EPB41: variants seen among roughly 807,000 people sequenced by gnomAD.
EPB41 encodes the protein erythrocyte membrane protein band 4.1.
EPB41 carries 65 observed loss-of-function variants against 108.0 expected under a neutral mutation model. The observed-to-expected ratio is 0.60, with a 90% confidence interval of 0.49 to 0.74. The LOEUF (loss-of-function observed/expected upper bound fraction) is 0.74, where lower values mean the gene tolerates loss of function less well. EPB41 is among the 30% of genes least tolerant of loss of function. The pLI, the probability that EPB41 is intolerant of heterozygous loss-of-function variation, is 0.00. For missense variants in EPB41, 875 were observed against 1,037.0 expected, an observed-to-expected ratio of 0.84 and a Z score of 2.15; for synonymous variants, 336 against 358.9, an observed-to-expected ratio of 0.94 and a Z score of 0.72.
At chr1:28,962,419 A>G (rs186536802) in intron 1 of EPB41, among the ~76,000 whole-genome samples, 2 of 152,272 alleles carry the variant, frequency 1.3e-5, no homozygotes. Context: ...ATCAACCTAT[A>G]TAATTCATAT....
chr1:28,976,527 T>A (rs1030300117), intron 1 of EPB41, among the ~76,000 whole-genome samples: 4 of 151,882 alleles, frequency 2.6e-5, no homozygotes, highest in Non-Finnish European at 5.9e-5. Context: ...GCTAATTTTT[T>A]ATTTTTTGCA....
intron 1 of EPB41, among the ~76,000 whole-genome samples, chr1:28,975,225 C>A (rs2095576619): frequency 6.6e-6 from 1 of 152,162 alleles, no homozygotes; most frequent in Non-Finnish European, 1.5e-5. Flanking sequence ...AGTTACCGTG[C>A]CCGGCCTTAT....
intron 17 of EPB41, among the ~76,000 whole-genome samples, chr1:29,099,406 G>T (rs1664473086): frequency 6.6e-6 from 1 of 151,988 alleles, no homozygotes; most frequent in African/African-American, 2.4e-5. Context: ...GCTCGCTGCA[G>T]CCTAGACCTC....
chr1:29,092,041 T>C (rs887027247), intron 16 of EPB41, among the ~76,000 whole-genome samples: 4 of 152,012 alleles, frequency 2.6e-5, no homozygotes, highest in Non-Finnish European at 5.9e-5. Context: ...TACTACAGTG[T>C]GTAAGCTGGT....
At position 28,887,977 on chromosome 1, in the gene EPB41, G is replaced by A. The variant is rs900140165; in HGVS notation, c.-8+767G>A. Among the ~76,000 whole-genome samples the A allele has an allele frequency of 6.6e-6, 1 of 152,076 alleles. No individual in the cohort carries two copies. Among genetic ancestry groups the A allele is most frequent in the Admixed American group, 6.5e-5 (1 of 15,276 alleles). On this transcript the variant is annotated intron_variant, in intron 1 of 16. Coordinates refer to the EPB41 transcript ENST00000347529. The surrounding 1 kb of genome is among the most constrained non-coding windows in gnomAD (Gnocchi z 4.9). ...TCTGTCTTTCCTCAAGAATTGTCTC[G>A]CCCTCACCTACACTTCCCGGCAGGC...
chr1:29,037,081 A>G (rs538724605), intron 10 of EPB41, among the ~76,000 whole-genome samples: 4 of 152,066 alleles, frequency 2.6e-5, no homozygotes, highest in Non-Finnish European at 5.9e-5. Context: ...AGAAGACAGA[A>G]GAAAGTATTT....
intron 7 of EPB41, among the ~76,000 whole-genome samples, chr1:29,025,770 A>C (rs2096710645): frequency 6.6e-6 from 1 of 151,862 alleles, no homozygotes. Context: ...GGGGCAGAGC[A>C]AGGTAGTCAT....
At chr1:29,015,045 A>G (rs2096560131) in intron 5 of EPB41, among the ~76,000 whole-genome samples, 1 of 152,072 alleles carries the variant, frequency 6.6e-6, no homozygotes, top group South Asian at 2.1e-4. Context: ...TTCTCAGAGT[A>G]TCTCTGTCAT....
intron 1 of EPB41, among the ~76,000 whole-genome samples, chr1:28,920,211 C>T (rs1355344239): frequency 1.3e-5 from 2 of 152,064 alleles, no homozygotes; most frequent in African/African-American, 4.8e-5. Flanking sequence ...TTTTCTATTA[C>T]CTAATTCTAT....
rs564486800 is a variant in EPB41 at position 29,062,112 on chromosome 1, CAG to C, written c.2007+1630_2007+1631del. ...ATGAAGTTTTTCGAGGCTGGACCCT[CAG>C]ATATTTCAAACTTGGCAACTGGATC... On this transcript the variant is annotated intron_variant, in intron 15 of 20. Transcript: ENST00000343067. Among the ~76,000 whole-genome samples the C allele has an allele frequency of 1.1e-3, 168 of 152,332 alleles. 2 individuals carry two copies. Among genetic ancestry groups the C allele is most frequent in the Middle Eastern group, 0.01 (3 of 294 alleles).
chr1:29,083,495 T>C (rs919211330), intron 16 of EPB41, among the ~76,000 whole-genome samples: 1 of 152,212 alleles, frequency 6.6e-6, no homozygotes, highest in African/African-American at 2.4e-5. Flanking sequence ...ATTTGTTTCC[T>C]TTTTTGGCTG....
chr1:28,993,909 G>A (rs1266604166), intron 3 of EPB41, among the ~76,000 whole-genome samples: 3 of 152,000 alleles, frequency 2.0e-5, no homozygotes, highest in South Asian at 2.1e-4. Context: ...TGCCCACCTC[G>A]GCCTCCCAAA....
At chr1:28,995,073 A>T (rs551505150) in intron 3 of EPB41, among the ~76,000 whole-genome samples, 140 of 152,018 alleles carry the variant, frequency 9.2e-4, no homozygotes, top group Non-Finnish European at 1.8e-3. Flanking sequence ...AAAGGAAATC[A>T]AGAAAGATGT....
At chr1:29,005,252 TG>T (rs2096379263) in intron 4 of EPB41, among the ~76,000 whole-genome samples, 1 of 151,992 alleles carries the variant, frequency 6.6e-6, no homozygotes, top group Non-Finnish European at 1.5e-5. Context: ...GGGGGTGGGA[TG>T]CTATGTACTT....
intron 1 of EPB41, among the ~76,000 whole-genome samples, chr1:28,896,419 C>T (rs866666918): frequency 1.3e-5 from 2 of 152,172 alleles, no homozygotes; most frequent in South Asian, 4.1e-4. Context: ...CCTCCCTTTT[C>T]TAGTCATCTG....
chr1:29,078,591 CA>C (rs971934041), intron 16 of EPB41, among the ~76,000 whole-genome samples: 1 of 149,944 alleles, frequency 6.7e-6, no homozygotes, highest in Non-Finnish European at 1.5e-5. Context: ...CCATCTCTAC[CA>C]AAAAAAAATT....
At chr1:29,016,930 A>G (rs1260623528) in intron 6 of EPB41, among the ~76,000 whole-genome samples, 1 of 152,198 alleles carries the variant, frequency 6.6e-6, no homozygotes, top group African/African-American at 2.4e-5. Context: ...TATCTCTCAA[A>G]TAAGAGAATA....
intron 6 of EPB41, among the ~76,000 whole-genome samples, chr1:29,017,015 T>C (rs564390233): frequency 6.6e-6 from 1 of 152,380 alleles, no homozygotes; most frequent in African/African-American, 2.4e-5. Context: ...ATTTGTCATC[T>C]AGTCATCCTC....
At chr1:28,914,323 G>A (rs1161597238), upstream of EPB41, among the ~76,000 whole-genome samples, 1 of 152,204 alleles carries the variant, frequency 6.6e-6, no homozygotes, top group Non-Finnish European at 1.5e-5. Context: ...GTGCGCACAC[G>A]CGGCCAGCCC....
Sources: allele counts gnomAD v4.1 joint callset (sites outside exome capture counted in the v4.1 genomes callset), GRCh38; gene constraint gnomAD v4.1.1; non-coding constraint Gnocchi (gnomAD v3.1); transcripts MANE v1.5; gene names NCBI Gene and HGNC (gene_info 2026-07-23, HGNC 2026-07-21).